The following SLC17A8 variants were observed in gnomAD, a reference collection of about 807,000 sequenced individuals.
The protein encoded by SLC17A8 is solute carrier family 17 member 8.
A neutral mutation model predicts 58.0 loss-of-function variants in SLC17A8; 31 were observed. That is an observed-to-expected ratio of 0.53 (90% CI 0.40 to 0.72). The LOEUF is 0.72. Ranked by LOEUF, SLC17A8 falls within the 30% of genes least tolerant of loss-of-function variation. SLC17A8 has a pLI of 0.00. For missense variants in SLC17A8, 655 were observed against 727.8 expected (o/e 0.90, Z 1.15); for synonymous variants, 228 against 249.0 (o/e 0.92, Z 0.79).
chr12:100,368,759 A>G (rs1282433521), intron 1 of SLC17A8, among the ~76,000 whole-genome samples: 3 of 152,194 alleles, frequency 2.0e-5, no homozygotes, highest in African/African-American at 7.2e-5. Context: ...TTTTACAACA[A>G]TCAAATTTTC....
At chr12:100,391,165 T>C (rs1300997874) in intron 3 of SLC17A8, 46 bp downstream of exon 3, 1 of 1,337,866 alleles carries the variant, frequency 7.5e-7, no homozygotes, top group Admixed American at 1.7e-5. Flanking sequence ...GAAATGTGGC[T>C]TTGTACCTAT....
chr12:100,402,208 C>T, intron 6 of SLC17A8, 132 bp from the exon 7 acceptor site: 2 of 922,176 alleles, frequency 2.2e-6, no homozygotes, highest in Admixed American at 2.3e-5. Flanking sequence ...ATGTCTGAGT[C>T]CCTCAAACCT....
At chr12:100,374,895 T>A (rs1473007076) in intron 1 of SLC17A8, among the ~76,000 whole-genome samples, 1 of 152,048 alleles carries the variant, frequency 6.6e-6, no homozygotes, top group East Asian at 1.9e-4. Flanking sequence ...ACTGGAGAGC[T>A]GCTGTGAGGG....
At chr12:100,413,255 T>A (rs1952883210) in intron 10 of SLC17A8, among the ~76,000 whole-genome samples, 1 of 152,208 alleles carries the variant, frequency 6.6e-6, no homozygotes, top group African/African-American at 2.4e-5. Flanking sequence ...GCCCTCTTGC[T>A]AGAGAACTGC....
chr12:100,385,339 C>G (rs748221405), intron 2 of SLC17A8, among the ~76,000 whole-genome samples: 1 of 147,412 alleles, frequency 6.8e-6, no homozygotes, highest in Non-Finnish European at 1.5e-5. Context: ...CCGGTTCAAG[C>G]GATTCTACTC....
intron 1 of SLC17A8, among the ~76,000 whole-genome samples, chr12:100,366,004 A>C (rs1952517894): frequency 6.7e-6 from 1 of 149,454 alleles, no homozygotes; most frequent in African/African-American, 2.5e-5. Flanking sequence ...AGCTATGTAC[A>C]TGAGTTAAGA....
chr12:100,379,383 C>T (rs1176523877), intron 1 of SLC17A8, among the ~76,000 whole-genome samples: 2 of 136,898 alleles, frequency 1.5e-5, no homozygotes, highest in African/African-American at 2.8e-5. Context: ...TGCAGTGAGC[C>T]GAGAATCGTG....
chr12:100,417,208 C>T (rs1952912682), intron 10 of SLC17A8, among the ~76,000 whole-genome samples: 1 of 152,176 alleles, frequency 6.6e-6, no homozygotes, highest in Non-Finnish European at 1.5e-5. Flanking sequence ...GCCCGGCCAG[C>T]AGCATTATCT....
intron 1 of SLC17A8, among the ~76,000 whole-genome samples, chr12:100,357,870 C>T (rs1952459362): frequency 6.6e-6 from 1 of 152,106 alleles, no homozygotes; most frequent in Admixed American, 6.5e-5. Flanking sequence ...TTATGTTTTT[C>T]ACTGAATCCA....
intron 1 of SLC17A8, among the ~76,000 whole-genome samples, chr12:100,360,727 TTA>T (rs763094280): frequency 5.9e-5 from 9 of 152,210 alleles, no homozygotes; most frequent in Non-Finnish European, 1.3e-4. Flanking sequence ...AATCACTACA[TTA>T]TGTTACCCCT....
At chr12:100,379,498 T>G (rs898115170) in intron 1 of SLC17A8, among the ~76,000 whole-genome samples, 4 of 151,840 alleles carry the variant, frequency 2.6e-5, no homozygotes, top group Non-Finnish European at 5.9e-5. Context: ...GCAAATGACT[T>G]GTGTTTTATC....
chr12:100,380,317 T>C (rs1238995183), intron 1 of SLC17A8, among the ~76,000 whole-genome samples: 1 of 152,040 alleles, frequency 6.6e-6, no homozygotes, highest in Non-Finnish European at 1.5e-5. Context: ...GTATAGCATA[T>C]TGTTTTAGAC....
chr12:100,405,890 C>T (rs1029878196), intron 9 of SLC17A8, among the ~76,000 whole-genome samples: 8 of 152,134 alleles, frequency 5.3e-5, no homozygotes, highest in Admixed American at 2.0e-4. Context: ...CTCACTCCTG[C>T]AATCCTAGCA....
At chr12:100,358,752 A>T (rs1445888467) in intron 1 of SLC17A8, among the ~76,000 whole-genome samples, 1 of 152,170 alleles carries the variant, frequency 6.6e-6, no homozygotes, top group Non-Finnish European at 1.5e-5. Context: ...GTTGGCGTTC[A>T]TTTGATTAGA....
At chr12:100,407,573 C>CAT (rs1255256063) in intron 9 of SLC17A8, among the ~76,000 whole-genome samples, 6 of 150,982 alleles carry the variant, frequency 4.0e-5, no homozygotes, top group East Asian at 1.9e-4. Flanking sequence ...TTTTCATGTT[C>CAT]ATATATATAT....
intron 1 of SLC17A8, among the ~76,000 whole-genome samples, chr12:100,370,141 T>TG (rs1952549268): frequency 6.6e-6 from 1 of 152,070 alleles, no homozygotes; most frequent in Admixed American, 6.5e-5. Flanking sequence ...AAAGTAGAGA[T>TG]GGGGGTCTTA....
At chr12:100,392,615 C>T (rs1358782147) in intron 3 of SLC17A8, among the ~76,000 whole-genome samples, 5 of 152,022 alleles carry the variant, frequency 3.3e-5, no homozygotes, top group Admixed American at 1.3e-4. Flanking sequence ...CCGCTTACAC[C>T]TCAGCCTTGA....
At chr12:100,413,328 T>C (rs1185605025) in intron 10 of SLC17A8, among the ~76,000 whole-genome samples, 1 of 152,278 alleles carries the variant, frequency 6.6e-6, no homozygotes, top group East Asian at 1.9e-4. Flanking sequence ...TTTAGATTTT[T>C]GTCTACTCCA....
chr12:100,393,120 T>C (rs1275576678), intron 3 of SLC17A8, among the ~76,000 whole-genome samples: 1 of 152,172 alleles, frequency 6.6e-6, no homozygotes, highest in Non-Finnish European at 1.5e-5. Context: ...CCAGCCGCCA[T>C]GCCTGGCTAA....
Sources: gnomAD v4.1 joint callset for allele counts (sites outside exome capture counted in the v4.1 genomes callset) on GRCh38, gnomAD v4.1.1 for gene constraint, MANE v1.5 for transcripts, NCBI Gene and HGNC (gene_info 2026-07-23, HGNC 2026-07-21) for gene names.